The following SPINK8 variants were observed in gnomAD, a reference collection of about 807,000 sequenced individuals.
The protein encoded by SPINK8 is serine protease inhibitor Kazal-type 8.
In SPINK8, 12 loss-of-function variants were observed where a neutral mutation model predicts 14.4. That is an observed-to-expected ratio of 0.83 (90% confidence interval 0.53 to 1.35). SPINK8 has a LOEUF of 1.35. SPINK8 is among the 40% of genes most tolerant of loss of function. SPINK8 has a pLI of 0.00. For missense variants in SPINK8, 103 were observed against 117.0 expected (o/e 0.88, Z 0.55); for synonymous variants, 32 against 37.6 (o/e 0.85, Z 0.55).
At chr3:48,311,662 T>A (rs2035925745) in intron 6 of SPINK8, among the ~76,000 whole-genome samples, 1 of 151,862 alleles carries the variant, frequency 6.6e-6, no homozygotes, top group African/African-American at 2.4e-5. Flanking sequence ...AAAAAGAAAA[T>A]ACTTAGTAAG....
chr3:48,321,941 T>A (rs1466485540), intron 4 of SPINK8, among the ~76,000 whole-genome samples: 2 of 149,998 alleles, frequency 1.3e-5, no homozygotes. Context: ...GCCTCCCAAG[T>A]GGCTGGGACT....
chr3:48,318,271 G>T (rs2107095483), intron 6 of SPINK8, among the ~76,000 whole-genome samples: 1 of 152,216 alleles, frequency 6.6e-6, no homozygotes, highest in East Asian at 1.9e-4. Context: ...CTCCTGAGTA[G>T]CTGGGATTAC....
chr3:48,322,461 A>G (rs1478583278), intron 4 of SPINK8, among the ~76,000 whole-genome samples: 1 of 151,612 alleles, frequency 6.6e-6, no homozygotes, highest in Admixed American at 6.6e-5. Context: ...TCAGCCTTCC[A>G]AATAGCTGGG....
At chr3:48,311,534 C>T (rs2035924827) in intron 6 of SPINK8, among the ~76,000 whole-genome samples, 1 of 152,174 alleles carries the variant, frequency 6.6e-6, no homozygotes, top group African/African-American at 2.4e-5. Context: ...ATAAATTCAG[C>T]AAGTTGCAGA....
intron 4 of SPINK8, among the ~76,000 whole-genome samples, chr3:48,324,757 T>G (rs1019821783): frequency 2.0e-5 from 3 of 152,206 alleles, no homozygotes; most frequent in African/African-American, 7.2e-5. Context: ...GAGCAGTATG[T>G]GTATTCTGAT....
intron 6 of SPINK8, among the ~76,000 whole-genome samples, chr3:48,313,235 A>G (rs1198461245): frequency 2.6e-5 from 4 of 152,334 alleles, no homozygotes; most frequent in African/African-American, 9.6e-5. Flanking sequence ...TTTGAAAATC[A>G]TAGTATTTAG....
At chr3:48,319,238 C>T (rs993629709) in intron 6 of SPINK8, among the ~76,000 whole-genome samples, 1 of 152,148 alleles carries the variant, frequency 6.6e-6, no homozygotes, top group African/African-American at 2.4e-5. Flanking sequence ...TTTCTGAGTG[C>T]CTCCACTTGA....
At chr3:48,315,307 G>A (rs13081169) in intron 6 of SPINK8, among the ~76,000 whole-genome samples, 32,789 of 152,022 alleles carry the variant, frequency 0.22, 4,362 homozygotes, top group South Asian at 0.3. Context: ...GTCATGGCAC[G>A]TACAAAGGAA....
intron 7 of SPINK8, among the ~76,000 whole-genome samples, chr3:48,308,633 G>A (rs2035881533): frequency 6.6e-6 from 1 of 152,062 alleles, no homozygotes; most frequent in Non-Finnish European, 1.5e-5. Context: ...TCTGATTTAG[G>A]GAAAATTCTA....
intron 6 of SPINK8, among the ~76,000 whole-genome samples, chr3:48,312,277 A>G (rs1010471861): frequency 1.3e-5 from 2 of 152,260 alleles, no homozygotes; most frequent in African/African-American, 4.8e-5. Flanking sequence ...TACCAAGGCC[A>G]TTCAATGGGG....
chr3:48,320,475 G>T (rs763710982), intron 5 of SPINK8, among the ~76,000 whole-genome samples: 1 of 151,754 alleles, frequency 6.6e-6, no homozygotes, highest in Non-Finnish European at 1.5e-5. Flanking sequence ...TTGAACCCAG[G>T]AGGCAGAGGT....
At chr3:48,328,125 A>C in intron 4 of SPINK8, 150 bp downstream of exon 4, 1 of 635,056 alleles carries the variant, frequency 1.6e-6, no homozygotes, top group South Asian at 2.9e-5. Context: ...CATTGTATGA[A>C]TCCTTTCTCT....
chr3:48,322,492 T>G (rs1276345615), intron 4 of SPINK8, among the ~76,000 whole-genome samples: 1 of 152,100 alleles, frequency 6.6e-6, no homozygotes, highest in Non-Finnish European at 1.5e-5. Context: ...CATGCCACCA[T>G]GCCCAGCTAA....
intron 5 of SPINK8, among the ~76,000 whole-genome samples, chr3:48,320,505 G>T (rs1184534432): frequency 1.3e-5 from 2 of 151,214 alleles, no homozygotes; most frequent in Non-Finnish European, 2.9e-5. Context: ...CTGAGATCGC[G>T]CCACTGCACT....
intron 6 of SPINK8, 144 bp from the exon 7 acceptor site, chr3:48,310,090 A>G: frequency 8.9e-7 from 1 of 1,118,020 alleles, no homozygotes; most frequent in Non-Finnish European, 1.1e-6. Context: ...TAAAAATTCT[A>G]CTATATGAAT....
At chr3:48,316,910 G>T (rs1022531864) in intron 6 of SPINK8, among the ~76,000 whole-genome samples, 1 of 152,224 alleles carries the variant, frequency 6.6e-6, no homozygotes, top group South Asian at 2.1e-4. Context: ...GAGGCAATTT[G>T]TTGCTAGCAG....
chr3:48,329,576 T>C (rs1221795447), intron 2 of SPINK8, among the ~76,000 whole-genome samples: 2 of 152,280 alleles, frequency 1.3e-5, no homozygotes, highest in African/African-American at 4.8e-5. Flanking sequence ...CACATCTGCA[T>C]GTGCAGTTAT....
intron 1 of SPINK8, among the ~76,000 whole-genome samples, 73 bp downstream of exon 1, chr3:48,333,460 TGG>T (rs2036291898): frequency 3.3e-5 from 5 of 152,202 alleles, no homozygotes; most frequent in African/African-American, 9.7e-5. Context: ...GCGTCCTCTG[TGG>T]TCCTAATGCT....
rs66504818 is a variant in SPINK8, at chr3:48,315,720, C to CAAAAAAAAAAAAAAAAAAAAAAA, written c.239+3754_239+3776dup. Among the ~76,000 whole-genome samples, 3 of 21,922 alleles carry CAAAAAAAAAAAAAAAAAAAAAAA rather than the reference C, an allele frequency of 1.4e-4. 1 individual carries two copies. The highest frequency in any genetic ancestry group is 2.9e-4 in the Non-Finnish European group (3 of 10,270). 14.4% of individuals were successfully genotyped at this position (21,922 alleles called of 152,430 possible). On this transcript the variant is annotated intron_variant, in intron 6 of 7. Transcript: ENST00000434006. The stretch of plus-strand genomic sequence containing the variant: ...TGGGTAACAGAGTAAGACTCCATCT[C>CAAAAAAAAAAAAAAAAAAAAAAA]AAAAAAAAAAAAAAAAAAAAAAAAG...
Sources: allele counts gnomAD v4.1 joint callset (sites outside exome capture counted in the v4.1 genomes callset), GRCh38; gene constraint gnomAD v4.1.1; transcripts MANE v1.5; gene names NCBI Gene and HGNC (gene_info 2026-07-23, HGNC 2026-07-21).